Variants in DBF4B observed in about 807,000 individuals in gnomAD.
The protein encoded by DBF4B is DBF4B-CDC7 kinase regulatory subunit, also known as protein DBF4 homolog B.
A neutral mutation model predicts 53.4 loss-of-function variants in DBF4B; 49 were observed. That is an observed-to-expected ratio of 0.92 (90% CI 0.73 to 1.16). The LOEUF is 1.16. DBF4B is among the 50% of genes most tolerant of loss of function. The probability of loss-of-function intolerance (pLI) is 0.00; values close to 1 mark genes in which losing one functional copy is unlikely to be tolerated. For missense variants in DBF4B, 692 were observed against 775.0 expected (o/e 0.89, Z 1.27); for synonymous variants, 257 against 288.7 (o/e 0.89, Z 1.11).
intron 10 of DBF4B, among the ~76,000 whole-genome samples, chr17:44,744,851 G>A (rs1276272486): frequency 6.6e-6 from 1 of 151,988 alleles, no homozygotes; most frequent in African/African-American, 2.4e-5. Context: ...GCATATGTTT[G>A]GTTGTTTGAA....
rs1384932842 is a variant in DBF4B at position 44,732,242 on chromosome 17, G to T, written c.533G>T (p.Gly178Val). The T allele has an allele frequency of 2.5e-6, 4 of 1,614,168 alleles. No individual in the cohort carries two copies. In the Admixed American group the frequency reaches 6.7e-5, roughly 27 times the overall value. Residue 178 changes from glycine to valine, a missense_variant, in exon 6 of 14, where the codon GGA becomes GTA. Coordinates refer to ENST00000315005, the MANE Select transcript of DBF4B (RefSeq NM_145663.3). ...SSLLTNARSW[G>V]VRILHVDEMM... Reference sequence around the variant, plus strand: ...CTCCTGACCAATGCCCGCTCTTGGGGAGTGAGGATTCTGCACGTGGATGGT... The same window carrying T: ...CTCCTGACCAATGCCCGCTCTTGGGTAGTGAGGATTCTGCACGTGGATGGT...
chr17:44,738,360 T>G lies in DBF4B; in HGVS notation c.668-19T>G, dbSNP rs370064640. 5 of 1,612,546 alleles carry G rather than the reference T, an allele frequency of 3.1e-6. No individual in the cohort carries two copies. In the African/African-American group the frequency reaches 6.7e-5, roughly 22 times the overall value. On this transcript the variant is annotated intron_variant, in intron 8 of 13. Coordinates refer to ENST00000315005, the MANE Select transcript of DBF4B (RefSeq NM_145663.3). ...CAGGGGCAGACAGATAGCTGATGTG[T>G]GCATTCTTCCCCTTTCAGTGGCCAG...
chr17:44,721,891 T>C (rs935752030), intron 2 of DBF4B, among the ~76,000 whole-genome samples: 1 of 151,666 alleles, frequency 6.6e-6, no homozygotes, highest in Admixed American at 6.6e-5. Context: ...TCCCAGCACT[T>C]TGGGAGGCCG....
intron 6 of DBF4B, 190 bp from the exon 7 acceptor site, chr17:44,733,900 A>G: frequency 1.7e-6 from 1 of 589,814 alleles, no homozygotes; most frequent in Non-Finnish European, 3.0e-6. Context: ...TGTTCCAGGG[A>G]TAGAGGACCC....
At chr17:44,717,663 C>T (rs1461334442) in intron 2 of DBF4B, among the ~76,000 whole-genome samples, 1 of 147,086 alleles carries the variant, frequency 6.8e-6, no homozygotes, top group African/African-American at 2.6e-5. Context: ...GAGCCGAGAT[C>T]GTGCCACTGC....
intron 7 of DBF4B, among the ~76,000 whole-genome samples, chr17:44,735,335 T>C (rs868378218): frequency 1.3e-5 from 2 of 152,126 alleles, no homozygotes; most frequent in African/African-American, 4.8e-5. Flanking sequence ...ATGTCAAAAA[T>C]TCCCCCCTTC....
intron 2 of DBF4B, chr17:44,720,337 C>G (rs182962111): frequency 3.4e-4 from 73 of 214,526 alleles, no homozygotes; most frequent in African/African-American, 1.6e-3. Context: ...GTAACAGTTG[C>G]AAGAAACTTC....
At position 44,716,783 on chromosome 17, in the gene DBF4B, G is replaced by T. The variant is rs886687758; in HGVS notation, c.83-6097G>T. Among the ~76,000 whole-genome samples the T allele has an allele frequency of 1.2e-4, 19 of 152,072 alleles. 1 individual carries two copies. Among genetic ancestry groups the T allele is most frequent in the African/African-American group, 4.6e-4 (19 of 41,426 alleles). On this transcript the variant is annotated intron_variant, in intron 2 of 13. Coordinates refer to ENST00000315005, the MANE Select transcript of DBF4B (RefSeq NM_145663.3). ...CCTTTTAAAGTCTTTCAAATAATTG[G>T]TATTTTAGCCTACTGTTTCATTCTA...
intron 10 of DBF4B, 131 bp downstream of exon 10, chr17:44,741,583 G>A (rs182925376): frequency 3.4e-6 from 2 of 595,734 alleles, no homozygotes; most frequent in Non-Finnish European, 3.0e-6. Flanking sequence ...TGGGAACGTA[G>A]CCCAGAGAAG....
chr17:44,723,357 G>A (rs1258323315), intron 3 of DBF4B, among the ~76,000 whole-genome samples: 1 of 152,106 alleles, frequency 6.6e-6, no homozygotes, highest in African/African-American at 2.4e-5. Context: ...TGCCAACCTC[G>A]GCTTCCCAAA....
chr17:44,716,209 TG>T (rs1973327831), intron 2 of DBF4B, among the ~76,000 whole-genome samples: 1 of 152,102 alleles, frequency 6.6e-6, no homozygotes, highest in Admixed American at 6.6e-5. Flanking sequence ...GAGAAGGGGT[TG>T]TCAACTTGAT....
At position 44,715,812 on chromosome 17, in the gene DBF4B, C is replaced by CTTTTTTTT. The variant is rs869200833; in HGVS notation, c.82+6467_82+6474dup. ...GTTAGCCTAATTTCTTTCTTTCTTTCTTTTTTTTTTTTTTTTTTTTTTTTT... is the reference window on the plus strand; with the variant it reads ...GTTAGCCTAATTTCTTTCTTTCTTTCTTTTTTTTTTTTTTTTTTTTTTTTTTTTTTTTT... On this transcript the variant is annotated intron_variant, in intron 2 of 13. Coordinates refer to ENST00000315005, the MANE Select transcript of DBF4B (RefSeq NM_145663.3). Among the ~76,000 whole-genome samples, 539 of 55,578 alleles carry CTTTTTTTT rather than the reference C, an allele frequency of 9.7e-3. 10 individuals carry two copies. The highest frequency in any genetic ancestry group is 0.016 in the Middle Eastern group (1 of 62). The allele number at this position is 55,578 out of a possible 152,430, so 36.5% of individuals were successfully genotyped here.
At chr17:44,727,216 A>G (rs1308839777) in intron 3 of DBF4B, among the ~76,000 whole-genome samples, 2 of 151,772 alleles carry the variant, frequency 1.3e-5, no homozygotes, top group Non-Finnish European at 2.9e-5. Context: ...CAGGAGTTCT[A>G]CACCAGCCTG....
intron 3 of DBF4B, 76 bp downstream of exon 3, chr17:44,723,098 C>CT: frequency 2.6e-6 from 4 of 1,553,022 alleles, no homozygotes; most frequent in Non-Finnish European, 3.5e-6. Flanking sequence ...GGGATTATAT[C>CT]TATGGTTTCC....
At chr17:44,713,169 C>T (rs1440522957) in intron 2 of DBF4B, among the ~76,000 whole-genome samples, 4 of 148,844 alleles carry the variant, frequency 2.7e-5, no homozygotes, top group South Asian at 2.1e-4. Context: ...CCTCTGGAGT[C>T]GCTGGGACTA....
At chr17:44,711,877 A>G (rs1348451403) in intron 2 of DBF4B, among the ~76,000 whole-genome samples, 1 of 151,798 alleles carries the variant, frequency 6.6e-6, no homozygotes, top group Non-Finnish European at 1.5e-5. Context: ...CGGAGCTTGC[A>G]GTGAGCAAAA....
chr17:44,751,546 T>C lies in DBF4B; in HGVS notation c.*293T>C. On this transcript the variant is annotated 3_prime_UTR_variant, in exon 14 of 14. Coordinates refer to ENST00000315005, the MANE Select transcript of DBF4B (RefSeq NM_145663.3). ...CCACCTCGCCAACCACTCTTGTTGGTTTCCTTCTCAGACTTGCCACCTTTC... is the reference window on the plus strand; with the variant it reads ...CCACCTCGCCAACCACTCTTGTTGGCTTCCTTCTCAGACTTGCCACCTTTC... 1 of 1,321,954 alleles carries C rather than the reference T, an allele frequency of 7.6e-7. No homozygotes were observed. Among genetic ancestry groups the C allele is most frequent in the African/African-American group, 1.5e-5 (1 of 67,124 alleles). 81.9% of individuals were successfully genotyped at this position (1,321,954 alleles called of 1,614,324 possible).
At chr17:44,712,301 C>CTTT (rs1163777667) in intron 2 of DBF4B, among the ~76,000 whole-genome samples, 1,804 of 72,022 alleles carry the variant, frequency 0.025, 10 homozygotes, top group Non-Finnish European at 0.026. Context: ...ATTATGTCTT[C>CTTT]TTTTTTTTTT....
At chr17:44,709,191 T>G (rs758603044) in intron 1 of DBF4B, 113 bp from the exon 2 acceptor site, 19 of 1,354,956 alleles carry the variant, frequency 1.4e-5, no homozygotes, top group Non-Finnish European at 2.0e-5. Flanking sequence ...TGAGTCTTGC[T>G]GTTCCCAGGA....
Sources: allele counts gnomAD v4.1 joint callset (sites outside exome capture counted in the v4.1 genomes callset), GRCh38; gene constraint gnomAD v4.1.1; transcripts MANE v1.5; gene names NCBI Gene and HGNC (gene_info 2026-07-23, HGNC 2026-07-21).